SV2C: variants seen among roughly 807,000 people sequenced by gnomAD.
SV2C encodes synaptic vesicle glycoprotein 2C.
SV2C carries 49 observed loss-of-function variants against 79.7 expected under a neutral mutation model. The observed-to-expected ratio is 0.61, with a 90% CI of 0.49 to 0.78. The LOEUF (loss-of-function observed/expected upper bound fraction) is 0.78, where lower values mean the gene tolerates loss of function less well. SV2C is among the 30% of genes least tolerant of loss of function. The pLI is 0.00. For synonymous variants in SV2C, 334 were observed against 333.2 expected (o/e 1.00, Z -0.03); for missense variants, 833 against 912.9 (o/e 0.91, Z 1.13).
intron 2 of SV2C, among the ~76,000 whole-genome samples, chr5:76,171,690 G>T (rs1270215954): frequency 5.1e-4 from 69 of 136,344 alleles, no homozygotes; most frequent in African/African-American, 1.8e-3. Context: ...CCGGCCAGCC[G>T]TGCCGTCCGG....
the SV2C span, among the ~76,000 whole-genome samples, chr5:76,026,937 C>A: frequency 6.6e-6 from 1 of 152,030 alleles, no homozygotes; most frequent in African/African-American, 2.4e-5. Flanking sequence ...TGTCGTCCAA[C>A]CCCCACTTTT....
the SV2C span, among the ~76,000 whole-genome samples, chr5:75,853,383 T>C: frequency 4.6e-5 from 7 of 151,432 alleles, no homozygotes; most frequent in East Asian, 7.8e-4. Flanking sequence ...GGTGAAACCC[T>C]GTCTCTACTA....
intron 1 of SV2C, among the ~76,000 whole-genome samples, chr5:76,109,705 C>G (rs1748038937): frequency 6.6e-6 from 1 of 152,064 alleles, no homozygotes; most frequent in Non-Finnish European, 1.5e-5. Flanking sequence ...CCCCTACAAG[C>G]CGAGGAATGC....
At chr5:76,115,346 G>A (rs188737443) in intron 1 of SV2C, among the ~76,000 whole-genome samples, 190 of 152,260 alleles carry the variant, frequency 1.2e-3, no homozygotes, top group African/African-American at 4.0e-3. Context: ...AGTGATAGGC[G>A]TACAGGGGAA....
At chr5:76,049,157 G>C in the SV2C span, among the ~76,000 whole-genome samples, 2 of 151,792 alleles carry the variant, frequency 1.3e-5, no homozygotes, top group African/African-American at 4.8e-5. Context: ...CTAACATGAT[G>C]AAACACCCGT....
At chr5:76,281,182 A>T (rs1747182356) in intron 4 of SV2C, 2 of 534,452 alleles carry the variant, frequency 3.7e-6, no homozygotes, top group Admixed American at 4.0e-5. Flanking sequence ...AGAAATCCTT[A>T]AAAAAAGTAA....
chr5:76,289,249 A>G (rs931276354), intron 6 of SV2C, among the ~76,000 whole-genome samples: 25 of 151,956 alleles, frequency 1.6e-4, no homozygotes, highest in African/African-American at 5.8e-4. Context: ...GTTTTCGAAG[A>G]CTTCATTTTC....
the SV2C span, among the ~76,000 whole-genome samples, chr5:76,049,093 T>C: frequency 1.3e-5 from 2 of 151,584 alleles, no homozygotes; most frequent in Non-Finnish European, 2.9e-5. Flanking sequence ...ATCCCAACTC[T>C]TTGGGAGGCC....
rs116395623 is a variant in SV2C, at chr5:76,293,457, C to T, written c.1337+1601C>T. 2.7e-3 allele frequency among the ~76,000 whole-genome samples: 409 copies of T among 152,210 alleles called. 2 individuals are homozygous for T. The highest frequency in any genetic ancestry group is 8.9e-3 in the African/African-American group (370 of 41,522). On this transcript the variant is annotated intron_variant, in intron 8 of 12. Coordinates refer to ENST00000502798, the MANE Select transcript of SV2C (RefSeq NM_014979.4). ...CCTCAATAGTGCCTAGTATTTAGTG[C>T]GTGTTCGGTAAATGTTTGCTAAATA...
chr5:75,976,125 A>G, the SV2C span, among the ~76,000 whole-genome samples: 2 of 152,186 alleles, frequency 1.3e-5, no homozygotes, highest in Non-Finnish European at 2.9e-5. Flanking sequence ...AATTGTATGC[A>G]AGAAAGGAAA....
rs80234254 is a variant in SV2C, at chr5:76,278,178, G to A, written c.914-6984G>A. ...CCATGCTCATGTACACATTGTGTGTGTGTGTGTGTGTTCAACAAACATTAA... is the reference window on the plus strand; with the variant it reads ...CCATGCTCATGTACACATTGTGTGTATGTGTGTGTGTTCAACAAACATTAA... On this transcript the variant is annotated intron_variant, in intron 4 of 12. Transcript: ENST00000502798. 1.2e-3 allele frequency among the ~76,000 whole-genome samples: 185 copies of A among 152,234 alleles called. 2 individuals carry two copies. In the East Asian group the frequency reaches 0.021, roughly 17 times the overall value.
chr5:76,336,993 C>G (rs1580086587), downstream of SV2C, among the ~76,000 whole-genome samples: 1 of 152,116 alleles, frequency 6.6e-6, no homozygotes, highest in African/African-American at 2.4e-5. Flanking sequence ...TCCTAATAAT[C>G]AGTGTGTTAA....
chr5:75,900,748 A>C, the SV2C span, among the ~76,000 whole-genome samples: 2 of 152,122 alleles, frequency 1.3e-5, no homozygotes, highest in Admixed American at 6.6e-5. Context: ...TGGTCTTTTC[A>C]CATAGTCCCA....
the SV2C span, among the ~76,000 whole-genome samples, chr5:75,934,291 T>C: frequency 3.9e-5 from 5 of 126,862 alleles, no homozygotes; most frequent in African/African-American, 1.7e-4. Flanking sequence ...TGTTTCTTTT[T>C]TTCTTTCTTT....
chr5:76,320,987 G>A (rs565242235), intron 12 of SV2C, among the ~76,000 whole-genome samples: 1 of 152,308 alleles, frequency 6.6e-6, no homozygotes, highest in East Asian at 1.9e-4. Flanking sequence ...TTTATTAGGT[G>A]TGATGTAACC....
chr5:75,916,518 A>G, the SV2C span, among the ~76,000 whole-genome samples: 1 of 150,994 alleles, frequency 6.6e-6, no homozygotes, highest in African/African-American at 2.4e-5. Context: ...TCTGTTGCTC[A>G]GTCTGGAGTA....
the SV2C span, among the ~76,000 whole-genome samples, chr5:75,927,433 GTATC>G: frequency 6.6e-6 from 1 of 151,730 alleles, no homozygotes; most frequent in East Asian, 1.9e-4. Context: ...GTTATATGAA[GTATC>G]TAAAATGGTC....
the SV2C span, among the ~76,000 whole-genome samples, chr5:76,053,411 G>A: frequency 6.7e-6 from 1 of 149,556 alleles, no homozygotes; most frequent in Non-Finnish European, 1.5e-5. Context: ...CTATGGTTCT[G>A]GAGTTCCATA....
chr5:75,876,210 A>G, the SV2C span, among the ~76,000 whole-genome samples: 1 of 152,196 alleles, frequency 6.6e-6, no homozygotes, highest in Admixed American at 6.6e-5. Flanking sequence ...AAAACATGGT[A>G]CATATACATC....
Sources: gnomAD v4.1 joint callset for allele counts (sites outside exome capture counted in the v4.1 genomes callset) on GRCh38, gnomAD v4.1.1 for gene constraint, MANE v1.5 for transcripts, NCBI Gene and HGNC (gene_info 2026-07-23, HGNC 2026-07-21) for gene names.